The following CSMD2 variants were observed in gnomAD, a reference collection of about 807,000 sequenced individuals.
The protein encoded by CSMD2 is CUB and sushi domain-containing protein 2.
Under a neutral mutation model 398.5 loss-of-function variants are expected in CSMD2, and 130 were observed. That is an observed-to-expected ratio of 0.33 (90% CI 0.28 to 0.38). CSMD2 has a LOEUF of 0.38. Among genes scored for constraint, CSMD2 ranks in the 10% least tolerant of loss-of-function variants. CSMD2 has a pLI of 1.00. For synonymous variants in CSMD2, 1,828 were observed against 1,908.5 expected (o/e 0.96, Z 1.10); for missense variants, 3,829 against 4,764.9 (o/e 0.80, Z 5.78).
intron 12 of CSMD2, among the ~76,000 whole-genome samples, chr1:33,776,234 C>T (rs1651944382): frequency 6.6e-6 from 1 of 152,062 alleles, no homozygotes; most frequent in South Asian, 2.1e-4. Context: ...GAGAAAGGGG[C>T]CCCCTACAGG....
chr1:33,639,854 A>G (rs72890873), intron 29 of CSMD2, among the ~76,000 whole-genome samples: 3,822 of 152,224 alleles, frequency 0.025, 142 homozygotes, highest in African/African-American at 0.086. Flanking sequence ...TCACTTCATA[A>G]TTTTCAAGGC....
intron 4 of CSMD2, among the ~76,000 whole-genome samples, chr1:33,929,765 C>T (rs1644252927): frequency 6.6e-6 from 1 of 151,910 alleles, no homozygotes. Flanking sequence ...GCCACAGGGG[C>T]TTGTTTTCTG....
chr1:34,072,797 A>T (rs1013159424), intron 2 of CSMD2, among the ~76,000 whole-genome samples: 8 of 152,048 alleles, frequency 5.3e-5, no homozygotes, highest in African/African-American at 1.7e-4. Context: ...ACCTGCTGCC[A>T]ACCCCTCCCC....
chr1:33,947,840 T>C (rs1644885395), intron 3 of CSMD2, among the ~76,000 whole-genome samples: 1 of 152,182 alleles, frequency 6.6e-6, no homozygotes, highest in East Asian at 1.9e-4. Context: ...CCTTTCTCAT[T>C]TAATGCTCAT....
At position 33,639,635 on chromosome 1, in the gene CSMD2, A is replaced by G. The variant is rs140595908; in HGVS notation, c.4775-3081T>C. 2.3e-3 allele frequency among the ~76,000 whole-genome samples: 350 copies of G among 152,324 alleles called. 3 individuals are homozygous for G. The highest frequency in any genetic ancestry group is 8.0e-3 in the African/African-American group (334 of 41,566). ...CCAAGGCTAGCCCTATTTGGCACAT[A>G]ATAGAGGCTTAATAAATGGCTGCTG... On this transcript the variant is annotated intron_variant, in intron 29 of 70. Coordinates refer to ENST00000373381, the MANE Select transcript of CSMD2 (RefSeq NM_001281956.2).
chr1:34,140,023 C>T lies in CSMD2; in HGVS notation c.187+24888G>A, dbSNP rs929504434. On this transcript the variant is annotated intron_variant, in intron 1 of 70. Coordinates refer to ENST00000373381, the MANE Select transcript of CSMD2 (RefSeq NM_001281956.2). ...CTATTTGCCAGGGACCATCCATGGT[C>T]CAGAGGTAGGATAATAAGCAAAGCC... is the stretch of plus-strand genomic sequence containing the variant. Among the ~76,000 whole-genome samples the T allele has an allele frequency of 1.5e-4, 23 of 152,112 alleles. 1 individual carries two copies. Among genetic ancestry groups the T allele is most frequent in the African/African-American group, 5.1e-4 (21 of 41,410 alleles).
Position 33,993,329 on chromosome 1 carries a change from G to A in CSMD2, c.517+39265C>T, listed in dbSNP as rs532806628. On this transcript the variant is annotated intron_variant, in intron 3 of 70. Coordinates refer to ENST00000373381, the MANE Select transcript of CSMD2 (RefSeq NM_001281956.2). Reference sequence around the variant, plus strand: ...TTTATTTTTATTATTTAAAAACTTGGTTTACAGAACCACAACAGGTCACAC... The same window carrying A: ...TTTATTTTTATTATTTAAAAACTTGATTTACAGAACCACAACAGGTCACAC... 4.6e-5 allele frequency among the ~76,000 whole-genome samples: 7 copies of A among 152,218 alleles called. No homozygotes were observed. In the South Asian group the frequency reaches 8.3e-4, roughly 18 times the overall value.
At chr1:34,013,688 A>C (rs1647688870) in intron 3 of CSMD2, among the ~76,000 whole-genome samples, 1 of 152,072 alleles carries the variant, frequency 6.6e-6, no homozygotes, top group African/African-American at 2.4e-5. Context: ...CCAGGTCCAC[A>C]CCTGGGGAAA....
chr1:33,579,670 C>A (rs889314607), intron 48 of CSMD2, among the ~76,000 whole-genome samples: 14 of 149,874 alleles, frequency 9.3e-5, no homozygotes, highest in African/African-American at 3.5e-4. Context: ...AACCAAGATT[C>A]TTTTTTTTTA....
chr1:33,789,662 G>A (rs2124853960), intron 11 of CSMD2, among the ~76,000 whole-genome samples: 1 of 152,328 alleles, frequency 6.6e-6, no homozygotes, highest in East Asian at 1.9e-4. Context: ...TCAGAGCTTG[G>A]GAGGCTGTTG....
rs528818212 is a variant in CSMD2 at position 33,976,428 on chromosome 1, C to T, written c.518-40474G>A. On this transcript the variant is annotated intron_variant, in intron 3 of 70. Coordinates refer to ENST00000373381, the MANE Select transcript of CSMD2 (RefSeq NM_001281956.2). ...GGATCTGGCCTCTGGCTTCATTTCTCCGCTGGCTCCAACCCACCATTGCAG... is the reference window on the plus strand; with the variant it reads ...GGATCTGGCCTCTGGCTTCATTTCTTCGCTGGCTCCAACCCACCATTGCAG... Among the ~76,000 whole-genome samples the T allele has an allele frequency of 4.6e-5, 7 of 152,302 alleles. 1 individual carries two copies. The South Asian group carries it at 1.4e-3, about 32-fold the overall frequency.
At chr1:34,101,261 C>G (rs115359099) in intron 1 of CSMD2, among the ~76,000 whole-genome samples, 1,809 of 152,344 alleles carry the variant, frequency 0.012, 15 homozygotes, top group Non-Finnish European at 0.018. Flanking sequence ...TTCTTTCACC[C>G]ATGCTTTGAG....
chr1:34,087,643 A>G (rs1658049796), intron 2 of CSMD2, among the ~76,000 whole-genome samples: 2 of 148,796 alleles, frequency 1.3e-5, no homozygotes, highest in African/African-American at 4.9e-5. Context: ...AATAATAATA[A>G]TAATAATAAT....
At chr1:33,734,500 A>G (rs1361488499) in intron 15 of CSMD2, among the ~76,000 whole-genome samples, 4 of 152,160 alleles carry the variant, frequency 2.6e-5, no homozygotes, top group Non-Finnish European at 2.9e-5. Context: ...AAATGAAAAT[A>G]CAGGGGCCAG....
intron 15 of CSMD2, among the ~76,000 whole-genome samples, chr1:33,736,215 C>A (rs144918125): frequency 1.3e-5 from 2 of 152,290 alleles, no homozygotes; most frequent in African/African-American, 2.4e-5. Context: ...AAAATGAAGA[C>A]CTTGCTTATG....
chr1:33,560,019 A>G (rs1178643623), intron 53 of CSMD2, among the ~76,000 whole-genome samples: 3 of 152,198 alleles, frequency 2.0e-5, no homozygotes, highest in East Asian at 3.9e-4. Flanking sequence ...AAGGGAGTTC[A>G]GTTAGTGCAC....
chr1:33,634,843 C>T (rs1034571083), intron 31 of CSMD2, among the ~76,000 whole-genome samples: 1 of 152,140 alleles, frequency 6.6e-6, no homozygotes, highest in African/African-American at 2.4e-5. Context: ...TTCCTCTCCT[C>T]CCTCCTGCTC....
intron 3 of CSMD2, among the ~76,000 whole-genome samples, chr1:33,962,035 C>G (rs964554919): frequency 6.6e-6 from 1 of 152,128 alleles, no homozygotes; most frequent in African/African-American, 2.4e-5. Context: ...GACACTGGCA[C>G]CTAGTAAGGA....
chr1:33,851,453 T>C (rs1433013759), intron 5 of CSMD2, among the ~76,000 whole-genome samples: 2 of 152,118 alleles, frequency 1.3e-5, no homozygotes, highest in African/African-American at 2.4e-5. Context: ...AAGGCTGGCC[T>C]AGGAGAATGT....
Sources: allele counts gnomAD v4.1 joint callset (sites outside exome capture counted in the v4.1 genomes callset), GRCh38; gene constraint gnomAD v4.1.1; transcripts MANE v1.5; gene names NCBI Gene and HGNC (gene_info 2026-07-23, HGNC 2026-07-21).